The following TRIM24 variants were observed in gnomAD, a reference collection of about 807,000 sequenced individuals.
TRIM24 encodes the protein transcription intermediary factor 1-alpha.
In TRIM24, 29 loss-of-function variants were observed where a neutral mutation model predicts 123.9. That is an observed-to-expected ratio of 0.23 (90% CI 0.17 to 0.32). The LOEUF (loss-of-function observed/expected upper bound fraction) is 0.32, where lower values mean the gene tolerates loss of function less well. TRIM24 is among the 10% of genes least tolerant of loss of function. The pLI is 1.00. For synonymous variants in TRIM24, 456 were observed against 461.1 expected, an observed-to-expected ratio of 0.99 and a Z score of 0.14; for missense variants, 932 against 1,295.3, an observed-to-expected ratio of 0.72 and a Z score of 4.31.
At chr7:138,534,192 G>T (rs1796813992) in intron 6 of TRIM24, among the ~76,000 whole-genome samples, 1 of 152,044 alleles carries the variant, frequency 6.6e-6, no homozygotes, top group East Asian at 1.9e-4. Flanking sequence ...TTTTTGAAGG[G>T]TTTTTTGTGT....
chr7:138,496,333 T>A (rs1452924823), intron 1 of TRIM24, among the ~76,000 whole-genome samples: 11 of 152,208 alleles, frequency 7.2e-5, no homozygotes, highest in Non-Finnish European at 1.5e-4. Flanking sequence ...TCATGTAGCT[T>A]TTTTTGGGAA....
At chr7:138,570,487 G>A (rs1327439074) in intron 10 of TRIM24, among the ~76,000 whole-genome samples, 3 of 152,092 alleles carry the variant, frequency 2.0e-5, no homozygotes, top group Non-Finnish European at 2.9e-5. Context: ...TAGAAGAAAT[G>A]TATGTTTTCA....
At chr7:138,506,368 TG>T (rs1796151054) in intron 2 of TRIM24, among the ~76,000 whole-genome samples, 1 of 152,230 alleles carries the variant, frequency 6.6e-6, no homozygotes, top group African/African-American at 2.4e-5. Context: ...CAAATGATTT[TG>T]TTTCTGTCTT....
intron 8 of TRIM24, among the ~76,000 whole-genome samples, chr7:138,553,394 T>C (rs1392784059): frequency 6.6e-6 from 1 of 152,228 alleles, no homozygotes; most frequent in East Asian, 1.9e-4. Context: ...AGAATGTTAT[T>C]GTTTCTTCTA....
At chr7:138,501,020 G>A (rs1448304370) in intron 1 of TRIM24, among the ~76,000 whole-genome samples, 3 of 152,038 alleles carry the variant, frequency 2.0e-5, no homozygotes, top group Non-Finnish European at 4.4e-5. Context: ...GTGCTTGCAG[G>A]ACTGTAATTT....
At position 138,462,321 on chromosome 7, in the gene TRIM24, A is replaced by C. The variant is rs538754065; in HGVS notation, c.364+1409A>C. On this transcript the variant is annotated intron_variant, in intron 1 of 18. Coordinates refer to ENST00000343526, the MANE Select transcript of TRIM24 (RefSeq NM_015905.3). ...TGTCCAATGGGAACCTGGAGTTCTG[A>C]GAACTAGTGCAAAAATCTTTTTTTT... 2.7e-5 allele frequency among the ~76,000 whole-genome samples: 4 copies of C among 150,702 alleles called. No individual in the cohort carries two copies. The South Asian group carries it at 8.4e-4, about 32-fold the overall frequency.
chr7:138,560,499 G>T (rs1797403843), intron 9 of TRIM24, among the ~76,000 whole-genome samples: 1 of 152,140 alleles, frequency 6.6e-6, no homozygotes, highest in Admixed American at 6.5e-5. Context: ...GTTTTTACAG[G>T]GTGTGGCTCC....
chr7:138,503,563 A>G (rs1392630037), intron 1 of TRIM24, among the ~76,000 whole-genome samples: 2 of 150,654 alleles, frequency 1.3e-5, no homozygotes, highest in Admixed American at 6.6e-5. Context: ...TAAAAAATAT[A>G]TCTGGGAACC....
chr7:138,512,638 C>G (rs924155659), intron 2 of TRIM24, among the ~76,000 whole-genome samples: 1 of 151,804 alleles, frequency 6.6e-6, no homozygotes, highest in Non-Finnish European at 1.5e-5. Context: ...ATGGCTGGAA[C>G]TGGAGAGGCT....
At chr7:138,475,656 G>T (rs1795380671) in intron 1 of TRIM24, among the ~76,000 whole-genome samples, 2 of 152,088 alleles carry the variant, frequency 1.3e-5, no homozygotes, top group South Asian at 4.1e-4. Flanking sequence ...GACTACAGGA[G>T]CGATGCACCA....
chr7:138,573,660 T>G lies in TRIM24; in HGVS notation c.2014+18T>G. ...CCTTGCAGGTAAAGTGGGCTTCTTT[T>G]GATTTTTGTGAAAGTTTTTCTAGTT... On this transcript the variant is annotated intron_variant, in intron 12 of 18. Coordinates refer to ENST00000343526, the MANE Select transcript of TRIM24 (RefSeq NM_015905.3). The G allele has an allele frequency of 6.3e-7, 1 of 1,586,184 alleles. No homozygotes were observed. Among genetic ancestry groups the G allele is most frequent in the South Asian group, 1.2e-5 (1 of 85,294 alleles).
At chr7:138,561,153 T>C (rs1797419599) in intron 9 of TRIM24, among the ~76,000 whole-genome samples, 1 of 152,192 alleles carries the variant, frequency 6.6e-6, no homozygotes. Context: ...AGGGCTCTTG[T>C]CAGGGCTATT....
intron 1 of TRIM24, among the ~76,000 whole-genome samples, chr7:138,468,881 C>T (rs1219075053): frequency 1.3e-5 from 2 of 152,204 alleles, no homozygotes; most frequent in Non-Finnish European, 2.9e-5. Context: ...TTCACAATCC[C>T]CGAATCTCTC....
At chr7:138,500,864 G>A (rs1332148520) in intron 1 of TRIM24, among the ~76,000 whole-genome samples, 4 of 151,952 alleles carry the variant, frequency 2.6e-5, no homozygotes, top group Non-Finnish European at 5.9e-5. Context: ...CTACAAATCT[G>A]CACAGCATGT....
At chr7:138,481,579 G>A (rs1025855260) in intron 1 of TRIM24, among the ~76,000 whole-genome samples, 1 of 151,970 alleles carries the variant, frequency 6.6e-6, no homozygotes, top group Admixed American at 6.6e-5. Flanking sequence ...ACTGTGGGAG[G>A]ATCACTCGAG....
At chr7:138,563,290 T>C (rs917515609) in intron 9 of TRIM24, among the ~76,000 whole-genome samples, 5 of 152,178 alleles carry the variant, frequency 3.3e-5, no homozygotes, top group Admixed American at 6.5e-5. Flanking sequence ...CATTTTTGTT[T>C]CATAGCCTCC....
chr7:138,531,650 C>T (rs1318346127), intron 6 of TRIM24, among the ~76,000 whole-genome samples: 1 of 152,142 alleles, frequency 6.6e-6, no homozygotes, highest in Non-Finnish European at 1.5e-5. Flanking sequence ...CAAGTTTGTG[C>T]TATTGTGAAT....
chr7:138,537,379 GTTTT>G (rs71177994), intron 6 of TRIM24, among the ~76,000 whole-genome samples: 3 of 56,642 alleles, frequency 5.3e-5, no homozygotes, highest in South Asian at 6.9e-4. Context: ...ACCCCTGTTT[GTTTT>G]TTTTTTTTTT....
At chr7:138,561,350 C>T (rs973514112) in intron 9 of TRIM24, among the ~76,000 whole-genome samples, 14 of 151,312 alleles carry the variant, frequency 9.3e-5, no homozygotes, top group Non-Finnish European at 1.5e-4. Flanking sequence ...GAGGATACCT[C>T]GCCTACTCCA....
Sources: allele counts gnomAD v4.1 joint callset (sites outside exome capture counted in the v4.1 genomes callset), GRCh38; gene constraint gnomAD v4.1.1; transcripts MANE v1.5; gene names NCBI Gene and HGNC (gene_info 2026-07-23, HGNC 2026-07-21).